Variants in PATE4 observed in about 807,000 individuals in gnomAD.
The protein encoded by PATE4 is prostate and testis expressed protein 4.
Under a neutral mutation model 8.5 loss-of-function variants are expected in PATE4, and 13 were observed. That is an observed-to-expected ratio of 1.53 (90% confidence interval 1.00 to 2.43). The LOEUF (loss-of-function observed/expected upper bound fraction) is 2.43, where lower values mean the gene tolerates loss of function less well. PATE4 is among the 30% of genes most tolerant of loss of function. PATE4 has a pLI of 0.00. For missense variants in PATE4, 127 were observed against 115.5 expected, an observed-to-expected ratio of 1.10 and a Z score of -0.46; for synonymous variants, 47 against 39.3, an observed-to-expected ratio of 1.20 and a Z score of -0.73.
At position 125,838,305 on chromosome 11, in the gene PATE4, G is replaced by T. The variant is rs1943934986; in HGVS notation, c.176-1G>T. The T allele has an allele frequency of 6.5e-7, 1 of 1,533,952 alleles. No homozygotes were observed. ...TTTATAACAGGCTTCTTCATTTTCAGGAGACAAACATATGTACTCAACACA... is the reference window on the plus strand; with the variant it reads ...TTTATAACAGGCTTCTTCATTTTCATGAGACAAACATATGTACTCAACACA... On this transcript the variant is annotated splice_acceptor_variant, in intron 2 of 2. Transcript: ENST00000457514. LOFTEE classifies it high-confidence loss of function.
At position 125,836,305 on chromosome 11, in the gene PATE4, G is replaced by A. The variant is rs189314116; in HGVS notation, c.59-1563G>A. Among the ~76,000 whole-genome samples the A allele has an allele frequency of 5.9e-5, 9 of 152,094 alleles. No individual in the cohort carries two copies. In the East Asian group the frequency reaches 1.7e-3, roughly 29 times the overall value. The stretch of plus-strand genomic sequence containing the variant: ...TGACCTGCTAGATAAATGTAAATAG[G>A]ATCAGATCACTTCCTTGCTTAAAAT... On this transcript the variant is annotated intron_variant, in intron 1 of 2. Coordinates refer to ENST00000457514, the MANE Select transcript of PATE4 (RefSeq NM_001144874.1).
At chr11:125,837,528 C>T (rs1322632801) in intron 1 of PATE4, among the ~76,000 whole-genome samples, 1 of 152,208 alleles carries the variant, frequency 6.6e-6, no homozygotes, top group Non-Finnish European at 1.5e-5. Context: ...CCCTGCTTTT[C>T]CAGCCCACAG....
At position 125,837,860 on chromosome 11, in the gene PATE4, C is replaced by G; in HGVS notation, c.59-8C>G. The G allele has an allele frequency of 6.5e-7, 1 of 1,540,934 alleles. No individual in the cohort carries two copies. The highest frequency in any genetic ancestry group is 8.8e-7 in the Non-Finnish European group (1 of 1,137,610). On this transcript the variant is annotated splice_region_variant and splice_polypyrimidine_tract_variant and intron_variant, in intron 1 of 2. Transcript: ENST00000457514. ...CAGCCTGAATATTCTATTCTCTCCA[C>G]CCTGCAGTTATGGGTCTGAAGTGTA... is the stretch of plus-strand genomic sequence containing the variant.
chr11:125,839,306 G>T lies in PATE4; in HGVS notation c.*879G>T, dbSNP rs1943943038. 1 of 152,220 alleles carries T rather than the reference G, an allele frequency of 6.6e-6. No homozygotes were observed. Among genetic ancestry groups the T allele is most frequent in the South Asian group, 2.1e-4 (1 of 4,828 alleles). The allele number at this position is 152,220 out of a possible 1,614,324, so 9.4% of individuals were successfully genotyped here. A position where few individuals can be genotyped will look rare whatever the true frequency, so the allele number is the denominator to read the frequency against. On this transcript the variant is annotated 3_prime_UTR_variant, in exon 3 of 3. Transcript: ENST00000457514. ...CACCGCTCAGGGCTTACAGTGACCT[G>T]CAGGAAGAGAGGAATAACAGAGCAC...
At chr11:125,835,733 A>G (rs1565434739) in intron 1 of PATE4, 1 of 152,176 alleles carries the variant, frequency 6.6e-6, no homozygotes, top group African/African-American at 2.4e-5. Flanking sequence ...GTTTTAAGTA[A>G]CTACCATAGA....
At chr11:125,835,715 G>A (rs180951233) in intron 1 of PATE4, 1 of 152,278 alleles carries the variant, frequency 6.6e-6, no homozygotes, top group African/African-American at 2.4e-5. Flanking sequence ...CAAAGTCCAA[G>A]AGATTGGGTT....
chr11:125,836,123 C>CTTTTTTTTTT (rs59732867), intron 1 of PATE4, among the ~76,000 whole-genome samples: 1 of 140,692 alleles, frequency 7.1e-6, no homozygotes. Context: ...GATGGCAAGA[C>CTTTTTTTTTT]TTTTTTTTTT....
chr11:125,833,400 T>C lies in PATE4; in HGVS notation c.41T>C (p.Phe14Ser), dbSNP rs1434058122. The C allele has an allele frequency of 6.4e-7, 1 of 1,551,528 alleles. No individual in the cohort carries two copies. The highest frequency in any genetic ancestry group is 2.0e-5 in the Admixed American group (1 of 50,996). ...MNTLLLVSLS[F>S]LYLKEVMGLK... ...ACACTGCTCCTTGTGAGCTTATCTTTTCTCTACCTCAAAGAGGGTAAGTTT... is the reference window on the plus strand; with the variant it reads ...ACACTGCTCCTTGTGAGCTTATCTTCTCTCTACCTCAAAGAGGGTAAGTTT... The change falls in exon 1 of 3, where the codon TTT becomes TCT. Residue 14 changes from phenylalanine (F) to serine (S), a missense_variant. Transcript: ENST00000457514.
At chr11:125,835,740 T>C (rs919427092) in intron 1 of PATE4, 1 of 152,176 alleles carries the variant, frequency 6.6e-6, no homozygotes, top group African/African-American at 2.4e-5. Context: ...GTAACTACCA[T>C]AGACAAAAGA....
intron 1 of PATE4, chr11:125,834,892 A>G (rs1472842835): frequency 6.6e-6 from 1 of 152,198 alleles, no homozygotes. Context: ...ACCAATTATG[A>G]AAAGGGGGTA....
intron 1 of PATE4, chr11:125,835,110 A>G (rs1943910604): frequency 6.6e-6 from 1 of 152,196 alleles, no homozygotes; most frequent in African/African-American, 2.4e-5. Flanking sequence ...TTTTTAAATA[A>G]TGCATTTTTA....
chr11:125,837,974 C>T lies in PATE4; in HGVS notation c.165C>T (p.Ala55=). ...AAAATGAGTTATGTTCAACAACAGC[C>T]TATTTCAGGGGTAAGTGGGGCTCAT... The part of the protein sequence containing the change: ...AKENELCSTT[A]YFRGDKHMYS... The change falls in exon 2 of 3, where the codon GCC becomes GCT. Residue 55 remains alanine, a synonymous_variant. Coordinates refer to ENST00000457514, the MANE Select transcript of PATE4 (RefSeq NM_001144874.1). The T allele has an allele frequency of 6.4e-7, 1 of 1,551,190 alleles. No homozygotes were observed. The highest frequency in any genetic ancestry group is 8.7e-7 in the Non-Finnish European group (1 of 1,146,562).
At chr11:125,833,764 C>T (rs1252609064) in intron 1 of PATE4, among the ~76,000 whole-genome samples, 2 of 152,074 alleles carry the variant, frequency 1.3e-5, no homozygotes, top group African/African-American at 2.4e-5. Flanking sequence ...TTGTAGGATT[C>T]TTTATTCTAC....
chr11:125,839,463 T>G lies in PATE4; in HGVS notation c.*1036T>G, dbSNP rs1309198695. 6.6e-6 allele frequency: 1 copy of G among 152,250 alleles called. No individual in the cohort carries two copies. The allele number at this position is 152,250 out of a possible 1,614,324, so 9.4% of individuals were successfully genotyped here. On this transcript the variant is annotated 3_prime_UTR_variant, in exon 3 of 3. Coordinates refer to ENST00000457514, the MANE Select transcript of PATE4 (RefSeq NM_001144874.1). The stretch of plus-strand genomic sequence containing the variant: ...GAAGCAATCAAACATGATGTCCTAA[T>G]AGCTCAATTTATCAGTTCCTCATTA...
intron 1 of PATE4, among the ~76,000 whole-genome samples, chr11:125,836,808 G>A (rs914558816): frequency 3.9e-5 from 6 of 152,152 alleles, no homozygotes; most frequent in Non-Finnish European, 7.4e-5. Context: ...TGTCCAGAAT[G>A]TGGAACATGC....
At chr11:125,838,062 G>C (rs1943933065) in intron 2 of PATE4, 78 bp downstream of exon 2, 2 of 1,195,344 alleles carry the variant, frequency 1.7e-6, no homozygotes, top group East Asian at 5.1e-5. Flanking sequence ...TAAAGAACTC[G>C]ATATCATTTA....
At chr11:125,834,866 G>A (rs1565434507) in intron 1 of PATE4, 2 of 152,098 alleles carry the variant, frequency 1.3e-5, no homozygotes, top group African/African-American at 2.4e-5. Context: ...AAAGTGCAGA[G>A]TATGCATAGT....
intron 1 of PATE4, chr11:125,834,967 A>G (rs1179700316): frequency 6.6e-6 from 1 of 152,238 alleles, no homozygotes; most frequent in East Asian, 1.9e-4. Flanking sequence ...AAGATATAAA[A>G]GAAATGAATA....
rs562234546 is a variant in PATE4 at position 125,838,525 on chromosome 11, G to A, written c.*98G>A. ...ATTTCCCACACCAAATTCCACACTGGCCTAAGATCCCAGAGAGAGCTGCAG... is the reference window on the plus strand; with the variant it reads ...ATTTCCCACACCAAATTCCACACTGACCTAAGATCCCAGAGAGAGCTGCAG... On this transcript the variant is annotated 3_prime_UTR_variant, in exon 3 of 3. Transcript: ENST00000457514. The A allele has an allele frequency of 1.1e-5, 15 of 1,395,126 alleles. No individual in the cohort carries two copies. The South Asian group carries it at 2.3e-4, about 22-fold the overall frequency. 86.4% of individuals were successfully genotyped at this position (1,395,126 alleles called of 1,614,324 possible).
Sources: allele counts gnomAD v4.1 joint callset (sites outside exome capture counted in the v4.1 genomes callset), GRCh38; gene constraint gnomAD v4.1.1; transcripts MANE v1.5; gene names NCBI Gene and HGNC (gene_info 2026-07-23, HGNC 2026-07-21).